SPTLC1: variants seen among roughly 807,000 people sequenced by gnomAD.
SPTLC1 encodes serine palmitoyltransferase 1.
SPTLC1 carries 55 observed loss-of-function variants against 68.9 expected under a neutral mutation model. The ratio of observed to expected loss-of-function variants is 0.80; its 90% CI spans 0.64 to 1.00. SPTLC1 has a LOEUF of 1.00. Ranked by LOEUF, SPTLC1 falls within the 50% of genes least tolerant of loss-of-function variation. The pLI, the probability that SPTLC1 is intolerant of heterozygous loss-of-function variation, is 0.00. For missense variants in SPTLC1, 449 were observed against 573.1 expected (o/e 0.78, Z 2.21); for synonymous variants, 197 against 201.6 (o/e 0.98, Z 0.19).
chr9:92,111,893 T>G (rs2118838058), intron 2 of SPTLC1: 1 of 153,982 alleles, frequency 6.5e-6, no homozygotes, highest in East Asian at 1.9e-4. Context: ...GTGAGTTTTG[T>G]GCACTAACCA....
rs1218095687 is a variant in SPTLC1 at position 92,047,608 on chromosome 9, C to T, written c.984+5G>A. 14 of 1,601,148 alleles carry T rather than the reference C, an allele frequency of 8.7e-6. No homozygotes were observed. Among genetic ancestry groups the T allele is most frequent in the Non-Finnish European group, 1.2e-5 (14 of 1,169,368 alleles). On this transcript the variant is annotated splice_donor_5th_base_variant and intron_variant, in intron 10 of 14. Coordinates refer to ENST00000262554, the MANE Select transcript of SPTLC1 (RefSeq NM_006415.4). ...TTTTAGCTCCTGTTTTTAAAAAGAA[C>T]CCACCTGATGGTCAATTACAAAAGA...
intron 7 of SPTLC1, among the ~76,000 whole-genome samples, chr9:92,057,547 AATCTCCTTAATTATTAGTGAGGCCAGGC>A (rs1246560546): frequency 6.6e-6 from 1 of 152,232 alleles, no homozygotes; most frequent in Non-Finnish European, 1.5e-5. Flanking sequence ...CTCCTAGCCT[AATCTCCTTAATTATTAGTGAGGCCAGGC>A]TATTTTTCAC....
intron 3 of SPTLC1, among the ~76,000 whole-genome samples, chr9:92,089,480 T>C (rs1835279147): frequency 6.6e-6 from 1 of 151,780 alleles, no homozygotes; most frequent in Non-Finnish European, 1.5e-5. Flanking sequence ...AGAAATAAAA[T>C]CTAAGAGCCA....
At chr9:92,057,485 T>C (rs2118522868) in intron 7 of SPTLC1, among the ~76,000 whole-genome samples, 1 of 152,368 alleles carries the variant, frequency 6.6e-6, no homozygotes, top group East Asian at 1.9e-4. Flanking sequence ...ACCACATCTG[T>C]GTTAGCACTG....
intron 3 of SPTLC1, among the ~76,000 whole-genome samples, chr9:92,089,446 G>C (rs970808404): frequency 1.3e-5 from 2 of 152,046 alleles, no homozygotes; most frequent in African/African-American, 2.4e-5. Flanking sequence ...AGGCTAACTT[G>C]CTAAATAGTC....
At chr9:92,105,154 C>A (rs988476502) in intron 3 of SPTLC1, 1 of 1,533,804 alleles carries the variant, frequency 6.5e-7, no homozygotes, top group Admixed American at 2.0e-5. Context: ...CCAGAGCTGC[C>A]GGCCACAGGT....
chr9:92,032,908 GA>G (rs1833022363), intron 14 of SPTLC1, among the ~76,000 whole-genome samples: 1 of 150,964 alleles, frequency 6.6e-6, no homozygotes, highest in African/African-American at 2.4e-5. Flanking sequence ...CAAACAAACA[GA>G]AAAAAGAATT....
chr9:92,052,820 C>A (rs957616887), intron 8 of SPTLC1, among the ~76,000 whole-genome samples: 1 of 152,062 alleles, frequency 6.6e-6, no homozygotes, highest in African/African-American at 2.4e-5. Context: ...GCGTGAGCCA[C>A]CGTGCCCGGC....
At chr9:92,034,703 T>C (rs1833082985) in intron 14 of SPTLC1, 107 bp downstream of exon 14, 3 of 884,990 alleles carry the variant, frequency 3.4e-6, no homozygotes, top group African/African-American at 1.7e-5. Flanking sequence ...ATGACAGATA[T>C]TCTTCCATAG....
intron 3 of SPTLC1, among the ~76,000 whole-genome samples, chr9:92,083,296 T>C (rs1052563531): frequency 4.6e-5 from 7 of 152,244 alleles, no homozygotes; most frequent in African/African-American, 2.4e-5. Flanking sequence ...TTTGGTGTTT[T>C]AGACATGAAG....
intron 3 of SPTLC1, among the ~76,000 whole-genome samples, chr9:92,098,831 T>C (rs1835638523): frequency 6.6e-6 from 1 of 152,130 alleles, no homozygotes; most frequent in Non-Finnish European, 1.5e-5. Flanking sequence ...GATGGGACAC[T>C]CCAGGGCCAC....
intron 1 of SPTLC1, 138 bp downstream of exon 1, chr9:92,115,176 G>T: frequency 1.4e-6 from 1 of 704,094 alleles, no homozygotes; most frequent in Non-Finnish European, 2.5e-6. Flanking sequence ...GCTCCCGGCA[G>T]TCCTTCCAGC....
At chr9:92,093,108 T>A (rs1329710664) in intron 3 of SPTLC1, among the ~76,000 whole-genome samples, 1 of 152,112 alleles carries the variant, frequency 6.6e-6, no homozygotes, top group Non-Finnish European at 1.5e-5. Context: ...TTCAACTAAG[T>A]TAGAAAAAGA....
At chr9:92,071,383 A>G (rs1834484258) in intron 5 of SPTLC1, among the ~76,000 whole-genome samples, 1 of 152,218 alleles carries the variant, frequency 6.6e-6, no homozygotes, top group South Asian at 2.1e-4. Flanking sequence ...TTGGGCAACA[A>G]GAGTGAAACT....
At chr9:92,042,241 A>G (rs1035863803) in intron 12 of SPTLC1, among the ~76,000 whole-genome samples, 1 of 152,244 alleles carries the variant, frequency 6.6e-6, no homozygotes, top group Non-Finnish European at 1.5e-5. Flanking sequence ...TATTATTGCC[A>G]CTGTTCAATA....
At chr9:92,062,579 T>C (rs903925658) in intron 6 of SPTLC1, among the ~76,000 whole-genome samples, 5 of 152,260 alleles carry the variant, frequency 3.3e-5, no homozygotes, top group Admixed American at 6.5e-5. Flanking sequence ...TATTCCAAAA[T>C]AGACTACCGT....
intron 3 of SPTLC1, among the ~76,000 whole-genome samples, chr9:92,088,280 C>T (rs1835233297): frequency 6.6e-6 from 1 of 152,248 alleles, no homozygotes; most frequent in African/African-American, 2.4e-5. Context: ...TCTGGCACTC[C>T]CTAGTGAGAT....
intron 5 of SPTLC1, among the ~76,000 whole-genome samples, chr9:92,073,584 A>G (rs1834573333): frequency 6.6e-6 from 1 of 152,202 alleles, no homozygotes; most frequent in Non-Finnish European, 1.5e-5. Context: ...CTCAGGCGAT[A>G]TACAGCACCA....
intron 7 of SPTLC1, among the ~76,000 whole-genome samples, chr9:92,056,291 G>A (rs983520749): frequency 3.3e-5 from 5 of 152,014 alleles, no homozygotes; most frequent in Non-Finnish European, 7.4e-5. Context: ...GTGCAGTGGC[G>A]CCATCTCTGC....
Sources: gnomAD v4.1 joint callset for allele counts (sites outside exome capture counted in the v4.1 genomes callset) on GRCh38, gnomAD v4.1.1 for gene constraint, MANE v1.5 for transcripts, NCBI Gene and HGNC (gene_info 2026-07-23, HGNC 2026-07-21) for gene names.